Variants in ESRP1 observed in about 807,000 individuals in gnomAD.
ESRP1 encodes the protein RNA-binding motif protein 35A.
A neutral mutation model predicts 81.7 loss-of-function variants in ESRP1; 33 were observed. That is an observed-to-expected ratio of 0.40 (90% CI 0.31 to 0.54). The LOEUF (loss-of-function observed/expected upper bound fraction) is 0.54, where lower values mean the gene tolerates loss of function less well. ESRP1 is among the 20% of genes least tolerant of loss of function. ESRP1 has a pLI of 0.41. For synonymous variants in ESRP1, 320 were observed against 303.3 expected, an observed-to-expected ratio of 1.06 and a Z score of -0.57; for missense variants, 672 against 833.1, an observed-to-expected ratio of 0.81 and a Z score of 2.38.
rs767362823 is a variant in ESRP1 at position 94,692,784 on chromosome 8, A to G, written c.1928A>G (p.Asn643Ser). ...TVVRMQGLAY[N>S]TGVKEILNFF... ...GTCAGAATGCAGGGCCTGGCCTACAATACTGGAGTTAAGGAAATTCTTAAC... is the reference window on the plus strand; with the variant it reads ...GTCAGAATGCAGGGCCTGGCCTACAGTACTGGAGTTAAGGAAATTCTTAAC... Residue 643 changes from asparagine (N) to serine (S), a missense_variant, in exon 14 of 16, where the codon AAT (asparagine) becomes AGT (serine). By Grantham distance (46) the Asn-to-Ser change is conservative. Transcript: ENST00000433389. The G allele has an allele frequency of 1.2e-5, 20 of 1,613,782 alleles. No individual in the cohort carries two copies. Among genetic ancestry groups the G allele is most frequent in the Middle Eastern group, 1.7e-4 (1 of 6,060 alleles).
chr8:94,678,139 G>T (rs1274384620), intron 12 of ESRP1, 64 bp from the exon 13 acceptor site: 15 of 1,525,984 alleles, frequency 9.8e-6, no homozygotes, highest in Non-Finnish European at 1.3e-5. Context: ...TATGTTTTTA[G>T]TGCTAGCACG....
chr8:94,693,994 C>T (rs1267492467), intron 14 of ESRP1, among the ~76,000 whole-genome samples: 6 of 152,098 alleles, frequency 3.9e-5, no homozygotes, highest in African/African-American at 1.4e-4. Context: ...ATTTTGCTGC[C>T]TTTGGAAGAC....
At position 94,678,230 on chromosome 8, in the gene ESRP1, C is replaced by T. The variant is rs377721126; in HGVS notation, c.1679C>T (p.Pro560Leu). The T allele has an allele frequency of 9.3e-6, 15 of 1,613,852 alleles. No individual in the cohort carries two copies. The highest frequency in any genetic ancestry group is 1.3e-5 in the African/African-American group (1 of 74,904). Residue 560 changes from proline (P) to leucine (L), a missense_variant, in exon 13 of 16, where the codon CCA (proline) becomes CTA (leucine). By Grantham distance (98) the Pro-to-Leu change is moderately conservative. Transcript: ENST00000433389. Reference protein sequence around the residue: ...PCLSPPSYTFPAPAAVIPTEA... With the variant: ...PCLSPPSYTFLAPAAVIPTEA... ...CTGTCTCCTCCCTCCTACACATTTC[C>T]AGCTCCTGCTGCAGTTATTCCTACA...
In ESRP1 at chr8:94,642,172, C is replaced by A. The variant is rs1235100399; in HGVS notation, c.261+88C>A. On this transcript the variant is annotated intron_variant, in intron 2 of 15. Transcript: ENST00000433389. ...CTCTCAGGGCGGCCCACGCGTGTTC[C>A]CGGAGCAGGGTGGCGAGACGCCTGC... 1.4e-5 allele frequency: 21 copies of A among 1,499,216 alleles called. No homozygotes were observed. In the East Asian group the frequency reaches 4.4e-4, roughly 32 times the overall value. The allele number at this position is 1,499,216 out of a possible 1,614,324, so 92.9% of individuals were successfully genotyped here. A position where few individuals can be genotyped will look rare whatever the true frequency, so the allele number is the denominator to read the frequency against.
At chr8:94,680,572 C>T (rs1423019825) in intron 13 of ESRP1, among the ~76,000 whole-genome samples, 1 of 152,032 alleles carries the variant, frequency 6.6e-6, no homozygotes, top group Non-Finnish European at 1.5e-5. Flanking sequence ...GCATTACAGG[C>T]ATGTGCCACC....
chr8:94,698,862 C>T (rs1352691164), intron 15 of ESRP1, among the ~76,000 whole-genome samples: 1 of 152,120 alleles, frequency 6.6e-6, no homozygotes, highest in African/African-American at 2.4e-5. Flanking sequence ...AACCCCAGTT[C>T]TAAGTTGGAA....
rs1351009238 is a variant in ESRP1 at position 94,695,371 on chromosome 8, T to TTTTTTTTTTC, written c.1972-1480_1972-1479insTTTTTTTTCT. Reference sequence around the variant, plus strand: ...TTCTTTTTTTTTTTTTTTTTTTTTTTTGAGACGGAGTCTCACTCTGTCGCC... The same window carrying TTTTTTTTTTC: ...TTCTTTTTTTTTTTTTTTTTTTTTTTTTTTTTTTTCTGAGACGGAGTCTCACTCTGTCGCC... On this transcript the variant is annotated intron_variant, in intron 14 of 15. Coordinates refer to ENST00000433389, the MANE Select transcript of ESRP1 (RefSeq NM_017697.4). Among the ~76,000 whole-genome samples, 90 of 112,022 alleles carry TTTTTTTTTTC rather than the reference T, an allele frequency of 8.0e-4. 4 individuals carry two copies. Among genetic ancestry groups the TTTTTTTTTTC allele is most frequent in the African/African-American group, 2.1e-3 (62 of 28,894 alleles). The allele number at this position is 112,022 out of a possible 152,430, so 73.5% of individuals were successfully genotyped here.
chr8:94,655,534 T>C (rs1197159732), intron 4 of ESRP1, among the ~76,000 whole-genome samples: 1 of 152,150 alleles, frequency 6.6e-6, no homozygotes, highest in East Asian at 1.9e-4. Flanking sequence ...TATGGTGACA[T>C]TTTTTGTTTC....
At chr8:94,648,087 T>A (rs1296948926) in intron 4 of ESRP1, among the ~76,000 whole-genome samples, 8 of 152,136 alleles carry the variant, frequency 5.3e-5, no homozygotes, top group Non-Finnish European at 1.0e-4. Flanking sequence ...AGAAACCCCA[T>A]GTCAACAAAA....
chr8:94,689,854 T>C (rs1468132977), intron 13 of ESRP1, among the ~76,000 whole-genome samples: 1 of 143,992 alleles, frequency 6.9e-6, no homozygotes, highest in Non-Finnish European at 1.5e-5. Context: ...TCTTGCTCTG[T>C]CGCCCAGGCT....
chr8:94,686,270 T>C (rs1809137060), intron 13 of ESRP1, among the ~76,000 whole-genome samples: 1 of 152,232 alleles, frequency 6.6e-6, no homozygotes, highest in Non-Finnish European at 1.5e-5. Flanking sequence ...AGTGCTGCAG[T>C]GGAGGAAGTC....
chr8:94,665,945 T>G (rs1818996022), intron 9 of ESRP1, among the ~76,000 whole-genome samples: 1 of 152,240 alleles, frequency 6.6e-6, no homozygotes, highest in Admixed American at 6.5e-5. Flanking sequence ...GTAGTATTTT[T>G]GGATGTGTAT....
intron 4 of ESRP1, among the ~76,000 whole-genome samples, chr8:94,659,365 T>G (rs187473354): frequency 2.6e-5 from 4 of 152,282 alleles, no homozygotes; most frequent in Admixed American, 2.6e-4. Context: ...GTAATTGTTT[T>G]GGGGCACCAT....
At chr8:94,678,801 T>C (rs547575152) in intron 13 of ESRP1, among the ~76,000 whole-genome samples, 1 of 152,372 alleles carries the variant, frequency 6.6e-6, no homozygotes, top group Non-Finnish European at 1.5e-5. Context: ...GCTTATATTC[T>C]TTTCCTCCTA....
intron 14 of ESRP1, among the ~76,000 whole-genome samples, chr8:94,696,330 C>G (rs78898585): frequency 0.024 from 3,684 of 152,246 alleles, 138 homozygotes; most frequent in African/African-American, 0.084. Context: ...TCAATAGATG[C>G]TAGTTTTTGT....
At chr8:94,690,072 C>T (rs1014157592) in intron 13 of ESRP1, among the ~76,000 whole-genome samples, 3 of 151,720 alleles carry the variant, frequency 2.0e-5, no homozygotes, top group African/African-American at 7.3e-5. Flanking sequence ...CCTACCTTGG[C>T]CTCCCAAAAT....
At chr8:94,662,595 GT>G (rs11404889) in intron 6 of ESRP1, 40 bp downstream of exon 6, 9,219 of 1,186,248 alleles carry the variant, frequency 7.8e-3, no homozygotes, top group Middle Eastern at 8.4e-3. Context: ...TTTTTAACTT[GT>G]TTTTTTTTTT....
At chr8:94,666,542 T>C (rs1037555261) in intron 9 of ESRP1, among the ~76,000 whole-genome samples, 2 of 152,250 alleles carry the variant, frequency 1.3e-5, no homozygotes, top group Non-Finnish European at 1.5e-5. Context: ...TGCCAAATTA[T>C]ATGAAGATGA....
chr8:94,671,618 G>C lies in ESRP1; in HGVS notation c.1399G>C (p.Glu467Gln). ...TIEDILDFLG[E>Q]FATDIRTHGV... ...TGAGGACATCCTGGATTTCCTGGGG[G>C]AGTTCGCCACAGATATTCGTACTCA... The change falls in exon 11 of 16, where the codon GAG (glutamate) becomes CAG (glutamine). Residue 467 changes from glutamate (E) to glutamine (Q), a missense_variant. Glu to Gln is a conservative substitution (Grantham distance 29). Coordinates refer to ENST00000433389, the MANE Select transcript of ESRP1 (RefSeq NM_017697.4). 6.2e-7 allele frequency: 1 copy of C among 1,613,918 alleles called. No homozygotes were observed. Among genetic ancestry groups the C allele is most frequent in the South Asian group, 1.1e-5 (1 of 91,068 alleles).
Sources: gnomAD v4.1 joint callset for allele counts (sites outside exome capture counted in the v4.1 genomes callset) on GRCh38, gnomAD v4.1.1 for gene constraint, MANE v1.5 for transcripts, NCBI Gene and HGNC (gene_info 2026-07-23, HGNC 2026-07-21) for gene names.